TJP1: variants seen among roughly 807,000 people sequenced by gnomAD.
TJP1 encodes the protein tight junction protein ZO-1.
A neutral mutation model predicts 194.2 loss-of-function variants in TJP1; 43 were observed. That is an observed-to-expected ratio of 0.22 (90% CI 0.17 to 0.29). The LOEUF (loss-of-function observed/expected upper bound fraction) is 0.29, where lower values mean the gene tolerates loss of function less well. Ranked by LOEUF, TJP1 falls within the 10% of genes least tolerant of loss-of-function variation. The pLI, the probability that TJP1 is intolerant of heterozygous loss-of-function variation, is 1.00. For synonymous variants in TJP1, 801 were observed against 779.0 expected (o/e 1.03, Z -0.47); for missense variants, 1,971 against 2,185.7 (o/e 0.90, Z 1.96).
At chr15:29,758,831 C>A (rs1487218862) in intron 8 of TJP1, 1 of 152,104 alleles carries the variant, frequency 6.6e-6, no homozygotes, top group Non-Finnish European at 1.5e-5. Flanking sequence ...CAACTTTACA[C>A]GTAACATGCC....
intron 2 of TJP1, among the ~76,000 whole-genome samples, chr15:29,789,205 G>T (rs1290529550): frequency 1.3e-5 from 2 of 152,140 alleles, no homozygotes; most frequent in Non-Finnish European, 2.9e-5. Context: ...GGGCGGTGCT[G>T]TTGTAGACCT....
chr15:29,935,709 C>A (rs574663930), intron 2 of TJP1, among the ~76,000 whole-genome samples: 16 of 152,148 alleles, frequency 1.1e-4, no homozygotes, highest in African/African-American at 3.4e-4. Context: ...CACAAGAGGT[C>A]CCCTACACCC....
Position 29,718,178 on chromosome 15 carries a change from A to C in TJP1, c.3877-60T>G, listed in dbSNP as rs550437670. 862 of 1,590,908 alleles carry C rather than the reference A, an allele frequency of 5.4e-4. 9 individuals are homozygous for C. In the South Asian group the frequency reaches 9.3e-3, roughly 17 times the overall value. On this transcript the variant is annotated intron_variant, in intron 21 of 27. Coordinates refer to ENST00000614355, the MANE Select transcript of TJP1 (RefSeq NM_001330239.4). ...TGCCTAAGGAACAGATAATTAACAG[A>C]ATAGATATCATGTAATGGCGGAGGG...
intron 10 of TJP1, among the ~76,000 whole-genome samples, chr15:29,739,110 A>AC (rs1393054389): frequency 6.6e-6 from 1 of 152,056 alleles, no homozygotes; most frequent in Non-Finnish European, 1.5e-5. Context: ...TCTAACCCTG[A>AC]CCCATCTAAT....
chr15:29,780,509 C>G (rs1595871181), intron 2 of TJP1, among the ~76,000 whole-genome samples: 1 of 152,290 alleles, frequency 6.6e-6, no homozygotes, highest in South Asian at 2.1e-4. Context: ...CCGCCACTCA[C>G]CTCCTGCTGT....
At chr15:29,876,544 T>C (rs946651219) in intron 2 of TJP1, among the ~76,000 whole-genome samples, 7 of 152,038 alleles carry the variant, frequency 4.6e-5, no homozygotes, top group Admixed American at 2.0e-4. Flanking sequence ...ATATGAGATT[T>C]TTTTTGTGAC....
At chr15:29,706,224 C>T (rs562489591) in intron 25 of TJP1, among the ~76,000 whole-genome samples, 3 of 152,192 alleles carry the variant, frequency 2.0e-5, no homozygotes, top group South Asian at 2.1e-4. Flanking sequence ...TGAGCCACCG[C>T]GCCTGGCGAG....
In TJP1 at chr15:29,701,375, C is replaced by T. The variant is rs2041529362; in HGVS notation, c.*220G>A. 1 of 435,502 alleles carries T rather than the reference C, an allele frequency of 2.3e-6. No homozygotes were observed. The highest frequency in any genetic ancestry group is 4.1e-6 in the Non-Finnish European group (1 of 244,374). 27.0% of individuals were successfully genotyped at this position (435,502 alleles called of 1,614,324 possible). On this transcript the variant is annotated 3_prime_UTR_variant, in exon 28 of 28. Transcript: ENST00000614355. Reference sequence around the variant, plus strand: ...AGCAAAATATCTTTGAACCTCTAGCCAATACCAACAGTCCCGTCAATCACA... The same window carrying T: ...AGCAAAATATCTTTGAACCTCTAGCTAATACCAACAGTCCCGTCAATCACA...
At chr15:29,968,205 T>TC in intron 1 of TJP1, 1 of 985,424 alleles carries the variant, frequency 1.0e-6, no homozygotes, top group Non-Finnish European at 1.2e-6. Context: ...GCCTTGCTCG[T>TC]CCTCTACTAT....
intron 2 of TJP1, among the ~76,000 whole-genome samples, chr15:29,899,501 T>C (rs1041827410): frequency 2.6e-5 from 4 of 152,108 alleles, no homozygotes; most frequent in African/African-American, 9.7e-5. Flanking sequence ...GAAGATGTGG[T>C]GGCAGGGAAA....
At chr15:29,925,266 G>A (rs2054489633) in intron 2 of TJP1, among the ~76,000 whole-genome samples, 1 of 152,154 alleles carries the variant, frequency 6.6e-6, no homozygotes. Flanking sequence ...AATTTTACTT[G>A]GAATTCTTAT....
chr15:29,932,728 C>T (rs2054760286), intron 2 of TJP1, among the ~76,000 whole-genome samples: 1 of 152,054 alleles, frequency 6.6e-6, no homozygotes, highest in Admixed American at 6.6e-5. Flanking sequence ...ACAGAATACA[C>T]AAAGAACTCC....
chr15:29,729,913 A>C (rs904438633), intron 15 of TJP1, among the ~76,000 whole-genome samples: 2 of 152,154 alleles, frequency 1.3e-5, no homozygotes, highest in East Asian at 3.8e-4. Flanking sequence ...AAACTTCATC[A>C]TAATTATGGG....
rs550225676 is a variant in TJP1 at position 29,911,623 on chromosome 15, G to A, written c.306+44609C>T. Among the ~76,000 whole-genome samples the A allele has an allele frequency of 3.9e-5, 6 of 152,182 alleles. No individual in the cohort carries two copies. The South Asian group carries it at 1.0e-3, about 26-fold the overall frequency. On this transcript the variant is annotated intron_variant, in intron 2 of 28. Coordinates refer to the TJP1 transcript ENST00000356107. ...ACACTTTTAAACAACCAGATCTTGT[G>A]AGAACTCACTGTCACGAGAACAGCA...
intron 1 of TJP1, among the ~76,000 whole-genome samples, chr15:29,810,978 G>A (rs2049456556): frequency 6.6e-6 from 1 of 152,134 alleles, no homozygotes. Flanking sequence ...AGAACCAAAT[G>A]ATCGAAAAAC....
At chr15:29,968,131 G>C in intron 1 of TJP1, 4 of 985,402 alleles carry the variant, frequency 4.1e-6, no homozygotes, top group Non-Finnish European at 4.8e-6. Flanking sequence ...GGAGGAACTG[G>C]AACGCATGCA....
At chr15:29,884,118 T>C (rs1360512246) in intron 2 of TJP1, among the ~76,000 whole-genome samples, 4 of 152,242 alleles carry the variant, frequency 2.6e-5, no homozygotes, top group Non-Finnish European at 5.9e-5. Flanking sequence ...TCCTATATTA[T>C]GCAGCATGTG....
chr15:29,820,601 CAT>C (rs1326612913), intron 1 of TJP1: 1 of 716,128 alleles, frequency 1.4e-6, no homozygotes. Flanking sequence ...TGTTGTCTTG[CAT>C]ATTAAGTACC....
chr15:29,737,010 C>A (rs960471476), intron 11 of TJP1, among the ~76,000 whole-genome samples: 2 of 152,118 alleles, frequency 1.3e-5, no homozygotes, highest in Non-Finnish European at 1.5e-5. Flanking sequence ...TCCATGAACA[C>A]GAGTGGTAGA....
Sources: allele counts gnomAD v4.1 joint callset (sites outside exome capture counted in the v4.1 genomes callset), GRCh38; gene constraint gnomAD v4.1.1; transcripts MANE v1.5; gene names NCBI Gene and HGNC (gene_info 2026-07-23, HGNC 2026-07-21).